Variants in KIAA1958 observed in about 807,000 individuals in gnomAD.
KIAA1958 encodes the protein uncharacterized protein KIAA1958.
KIAA1958 carries 14 observed loss-of-function variants against 47.2 expected under a neutral mutation model. The ratio of observed to expected loss-of-function variants is 0.30; its 90% CI spans 0.20 to 0.46. The LOEUF is 0.46. Among genes scored for constraint, KIAA1958 ranks in the 20% least tolerant of loss-of-function variants. The pLI is 1.00. For synonymous variants in KIAA1958, 354 were observed against 353.3 expected (o/e 1.00, Z -0.02); for missense variants, 803 against 909.2 (o/e 0.88, Z 1.50).
In KIAA1958 at chr9:112,667,843, A is replaced by G. The variant is rs1314853317; in HGVS notation, c.*7774A>G. The G allele has an allele frequency of 1.3e-5, 2 of 152,254 alleles. No homozygotes were observed. Among genetic ancestry groups the G allele is most frequent in the Non-Finnish European group, 2.9e-5 (2 of 68,042 alleles). 9.4% of individuals were successfully genotyped at this position (152,254 alleles called of 1,614,324 possible). A position where few individuals can be genotyped will look rare whatever the true frequency, so the allele number is the denominator to read the frequency against. On this transcript the variant is annotated 3_prime_UTR_variant, in exon 4 of 4. Transcript: ENST00000337530. ...AACCTACGAGGCTTGATTTAAATAAAACAATGTTTGCTTAGTATCCTAATT... is the reference window on the plus strand; with the variant it reads ...AACCTACGAGGCTTGATTTAAATAAGACAATGTTTGCTTAGTATCCTAATT...
At chr9:112,546,511 C>G (rs1564167206) in intron 1 of KIAA1958, among the ~76,000 whole-genome samples, 1 of 152,014 alleles carries the variant, frequency 6.6e-6, no homozygotes, top group African/African-American at 2.4e-5. Flanking sequence ...GAGTCTCACT[C>G]TGTTGCCCAG....
chr9:112,601,112 A>G (rs747593113), intron 2 of KIAA1958, among the ~76,000 whole-genome samples: 10 of 152,220 alleles, frequency 6.6e-5, no homozygotes, highest in African/African-American at 9.6e-5. Flanking sequence ...GTCAGCTAAG[A>G]TAAGAATTGG....
At chr9:112,637,019 A>G (rs1445880363) in intron 2 of KIAA1958, among the ~76,000 whole-genome samples, 1 of 152,192 alleles carries the variant, frequency 6.6e-6, no homozygotes, top group Admixed American at 6.5e-5. Context: ...GTTACCATAC[A>G]GATGTAAACG....
intron 2 of KIAA1958, among the ~76,000 whole-genome samples, chr9:112,636,055 T>C (rs1246231579): frequency 3.3e-5 from 5 of 150,340 alleles, no homozygotes; most frequent in African/African-American, 1.2e-4. Context: ...GTTGGAAATA[T>C]TTTCTAATTC....
intron 1 of KIAA1958, among the ~76,000 whole-genome samples, chr9:112,516,482 G>A (rs1353571288): frequency 3.3e-5 from 5 of 152,190 alleles, no homozygotes; most frequent in African/African-American, 1.2e-4. Context: ...GAGATATACT[G>A]TTTTTATGGT....
In KIAA1958 at chr9:112,568,936, T is replaced by TAAAAAAAAAAAAAAA. The variant is rs57898820; in HGVS notation, c.-24-5104_-24-5090dup. On this transcript the variant is annotated intron_variant, in intron 1 of 3. Transcript: ENST00000337530. The stretch of plus-strand genomic sequence containing the variant: ...GCTGCCAATTTAAGAATAGGAAAAC[T>TAAAAAAAAAAAAAAA]AAAAAAAAAAAAAAAAAAAAAAAAA... Among the ~76,000 whole-genome samples, 30 of 36,452 alleles carry TAAAAAAAAAAAAAAA rather than the reference T, an allele frequency of 8.2e-4. 1 individual carries two copies. The highest frequency in any genetic ancestry group is 1.6e-3 in the Admixed American group (3 of 1,846). 23.9% of individuals were successfully genotyped at this position (36,452 alleles called of 152,430 possible). A position where few individuals can be genotyped will look rare whatever the true frequency, so the allele number is the denominator to read the frequency against.
At chr9:112,616,144 A>C (rs1233806650) in intron 2 of KIAA1958, among the ~76,000 whole-genome samples, 1 of 152,256 alleles carries the variant, frequency 6.6e-6, no homozygotes, top group African/African-American at 2.4e-5. Context: ...TGATGGAAAG[A>C]TAAACACCTT....
chr9:112,607,183 C>G (rs941850529), intron 2 of KIAA1958, among the ~76,000 whole-genome samples: 5 of 151,934 alleles, frequency 3.3e-5, no homozygotes, highest in African/African-American at 1.2e-4. Flanking sequence ...ATGGCGAAAC[C>G]CCATCTCTAC....
chr9:112,569,107 C>T (rs1454266964), intron 1 of KIAA1958, among the ~76,000 whole-genome samples: 3 of 151,950 alleles, frequency 2.0e-5, no homozygotes, highest in Non-Finnish European at 4.4e-5. Flanking sequence ...TTTGTCTTTT[C>T]GGACATGGCT....
In KIAA1958 at chr9:112,659,378, G is replaced by C; in HGVS notation, c.1460G>C (p.Arg487Pro). 6.2e-7 allele frequency: 1 copy of C among 1,614,144 alleles called. No homozygotes were observed. Among genetic ancestry groups the C allele is most frequent in the Non-Finnish European group, 8.5e-7 (1 of 1,180,018 alleles). ...SLHAIRRGLD[R>P]ILKNAGVGFS... ...CATGCTATTCGCCGAGGCCTGGACC[G>C]CATCCTGAAGAATGCAGGTGTCGGC... Residue 487 changes from arginine (R) to proline (P), a missense_variant, in exon 4 of 4, where the codon CGC becomes CCC. Arg to Pro is a moderately radical substitution (Grantham distance 103). This residue lies in a region of KIAA1958 where 761 missense variants were observed against 829.3 expected (regional missense o/e 0.92). Coordinates refer to ENST00000337530, the MANE Select transcript of KIAA1958 (RefSeq NM_133465.4).
At chr9:112,488,778 T>A (rs185373189) in intron 1 of KIAA1958, among the ~76,000 whole-genome samples, 6 of 152,354 alleles carry the variant, frequency 3.9e-5, no homozygotes, top group South Asian at 2.1e-4. Flanking sequence ...TGCACTTTTT[T>A]AAAGACAAAC....
At chr9:112,570,448 G>T (rs903656233) in intron 1 of KIAA1958, among the ~76,000 whole-genome samples, 1 of 152,218 alleles carries the variant, frequency 6.6e-6, no homozygotes, top group Non-Finnish European at 1.5e-5. Flanking sequence ...TACAGATTTT[G>T]TAAGTATATG....
At chr9:112,597,202 A>G (rs1160419607) in intron 2 of KIAA1958, among the ~76,000 whole-genome samples, 1 of 152,192 alleles carries the variant, frequency 6.6e-6, no homozygotes, top group Non-Finnish European at 1.5e-5. Flanking sequence ...CAGTCTGCAG[A>G]GTCATATGCT....
intron 1 of KIAA1958, among the ~76,000 whole-genome samples, chr9:112,544,548 T>G (rs1834997158): frequency 2.0e-5 from 1 of 49,518 alleles, no homozygotes; most frequent in South Asian, 1.1e-3. Flanking sequence ...GTGAAGGGAC[T>G]TGCTCAAAGT....
intron 2 of KIAA1958, among the ~76,000 whole-genome samples, chr9:112,594,061 C>G (rs777518522): frequency 5.9e-5 from 9 of 152,060 alleles, no homozygotes; most frequent in Non-Finnish European, 1.0e-4. Flanking sequence ...GACAGGGTCT[C>G]ACTACATTGC....
rs1222971116 is a variant in KIAA1958 at position 112,665,471 on chromosome 9, G to A, written c.*5402G>A. On this transcript the variant is annotated 3_prime_UTR_variant, in exon 4 of 4. Transcript: ENST00000337530. Reference sequence around the variant, plus strand: ...CTCACCGATAAGTTGGAGAATTTAAGTTTGTAAGTTGGAGAATGCAGGTTT... The same window carrying A: ...CTCACCGATAAGTTGGAGAATTTAAATTTGTAAGTTGGAGAATGCAGGTTT... 6.6e-6 allele frequency: 1 copy of A among 152,206 alleles called. No homozygotes were observed. Among genetic ancestry groups the A allele is most frequent in the Non-Finnish European group, 1.5e-5 (1 of 68,040 alleles). The allele number at this position is 152,206 out of a possible 1,614,324, so 9.4% of individuals were successfully genotyped here.
intron 2 of KIAA1958, among the ~76,000 whole-genome samples, chr9:112,599,128 C>G (rs1168161015): frequency 1.3e-5 from 2 of 152,126 alleles, no homozygotes; most frequent in African/African-American, 2.4e-5. Context: ...AGCTATGCAT[C>G]ACAGTACTTC....
rs1564191880 is a variant in KIAA1958, at chr9:112,618,416, C to T, written c.1172-27234C>T. The stretch of plus-strand genomic sequence containing the variant: ...CTTAAAATGGGGTGATATCCGGCTC[C>T]GGGTAACAGAGACGGGTCTCGAGTA... On this transcript the variant is annotated intron_variant, in intron 2 of 3. Transcript: ENST00000337530. The surrounding 1 kb of genome is among the most constrained non-coding windows in gnomAD (Gnocchi z 7.1). The T allele has an allele frequency of 3.9e-6, 6 of 1,551,192 alleles. No individual in the cohort carries two copies. Among genetic ancestry groups the T allele is most frequent in the African/African-American group, 1.4e-5 (1 of 73,146 alleles).
intron 1 of KIAA1958, among the ~76,000 whole-genome samples, chr9:112,526,601 G>A (rs985385409): frequency 2.0e-5 from 3 of 152,180 alleles, no homozygotes; most frequent in Non-Finnish European, 4.4e-5. Context: ...TCTGGAGGCT[G>A]GGAAGTCAAT....
Sources: allele counts gnomAD v4.1 joint callset (sites outside exome capture counted in the v4.1 genomes callset), GRCh38; gene constraint gnomAD v4.1.1; regional missense constraint gnomAD v4.1.1; non-coding constraint Gnocchi (gnomAD v3.1); transcripts MANE v1.5; gene names NCBI Gene and HGNC (gene_info 2026-07-23, HGNC 2026-07-21).